KIF26B: variants seen among roughly 807,000 people sequenced by gnomAD.
KIF26B encodes the protein kinesin family member 26B, also known as kinesin-like protein KIF26B.
KIF26B carries 63 observed loss-of-function variants against 151.2 expected under a neutral mutation model. The observed-to-expected ratio is 0.42, with a 90% CI of 0.34 to 0.51. The LOEUF (loss-of-function observed/expected upper bound fraction) is 0.51, where lower values mean the gene tolerates loss of function less well. Among genes scored for constraint, KIF26B ranks in the 20% least tolerant of loss-of-function variants. The probability of loss-of-function intolerance (pLI) is 0.07; values close to 1 mark genes in which losing one functional copy is unlikely to be tolerated. For missense variants in KIF26B, 2,813 were observed against 2,913.6 expected, an observed-to-expected ratio of 0.97 and a Z score of 0.79; for synonymous variants, 1,357 against 1,262.1, an observed-to-expected ratio of 1.08 and a Z score of -1.59.
At chr1:245,190,177 TC>T (rs2103532265) in intron 2 of KIF26B, among the ~76,000 whole-genome samples, 1 of 152,238 alleles carries the variant, frequency 6.6e-6, no homozygotes, top group East Asian at 1.9e-4. Context: ...CCTGGGTCCC[TC>T]CCACAGCATG....
At chr1:245,240,983 C>G (rs1670202921) in intron 2 of KIF26B, among the ~76,000 whole-genome samples, 1 of 152,186 alleles carries the variant, frequency 6.6e-6, no homozygotes, top group Non-Finnish European at 1.5e-5. Context: ...CCCAGAGTCC[C>G]CGCCCAGGGA....
intron 9 of KIF26B, among the ~76,000 whole-genome samples, chr1:245,623,684 C>T (rs1374500002): frequency 6.6e-6 from 1 of 152,052 alleles, no homozygotes; most frequent in African/African-American, 2.4e-5. Flanking sequence ...TTTTTGTGTA[C>T]AAAATTATCA....
chr1:245,608,698 TG>T (rs2043483822), intron 7 of KIF26B, among the ~76,000 whole-genome samples: 1 of 152,174 alleles, frequency 6.6e-6, no homozygotes, highest in Admixed American at 6.5e-5. Flanking sequence ...ATGTGATATT[TG>T]GGGTCCTCCT....
chr1:245,401,917 A>G lies in KIF26B; in HGVS notation c.1000-17662A>G, dbSNP rs181091278. On this transcript the variant is annotated intron_variant, in intron 3 of 14. Coordinates refer to ENST00000407071, the MANE Select transcript of KIF26B (RefSeq NM_018012.4). ...AACACACACACACAAAAACACCACC[A>G]AAAAAAACCCCCGAAACAGCAACAA... Among the ~76,000 whole-genome samples, 273 of 148,920 alleles carry G rather than the reference A, an allele frequency of 1.8e-3. 2 individuals carry two copies. The highest frequency in any genetic ancestry group is 7.0e-3 in the African/African-American group (269 of 38,660).
chr1:245,344,494 CAAAAAAAAAAA>C (rs57007301), intron 2 of KIF26B, among the ~76,000 whole-genome samples: 7 of 39,982 alleles, frequency 1.8e-4, no homozygotes, highest in East Asian at 3.9e-4. Context: ...GACTCCGTCT[CAAAAAAAAAAA>C]AAAAAAAAAA....
intron 5 of KIF26B, among the ~76,000 whole-genome samples, chr1:245,552,251 G>C (rs1268850969): frequency 6.6e-6 from 1 of 151,678 alleles, no homozygotes; most frequent in Non-Finnish European, 1.5e-5. Flanking sequence ...TGGAGACGCA[G>C]GGAAGAGGTG....
chr1:245,303,348 GC>G (rs377734627), intron 2 of KIF26B, among the ~76,000 whole-genome samples: 33 of 151,154 alleles, frequency 2.2e-4, no homozygotes, highest in South Asian at 1.3e-3. Flanking sequence ...ACAGGTGCCC[GC>G]CACCACGCCC....
intron 10 of KIF26B, among the ~76,000 whole-genome samples, chr1:245,683,299 TG>T (rs943874440): frequency 6.7e-6 from 1 of 148,436 alleles, no homozygotes; most frequent in African/African-American, 2.5e-5. Context: ...GCACGCGGCA[TG>T]GGAAATAGGC....
intron 2 of KIF26B, among the ~76,000 whole-genome samples, chr1:245,261,931 G>C (rs1453202507): frequency 6.6e-6 from 1 of 152,084 alleles, no homozygotes. Context: ...CCCAAAATCT[G>C]GGAGATACCG....
chr1:245,389,200 A>G (rs1572037415), intron 3 of KIF26B, among the ~76,000 whole-genome samples: 2 of 151,652 alleles, frequency 1.3e-5, no homozygotes, highest in South Asian at 4.2e-4. Flanking sequence ...TGCAACCTCT[A>G]CCTCCTGGGT....
intron 4 of KIF26B, among the ~76,000 whole-genome samples, chr1:245,443,287 C>G (rs1210354114): frequency 6.8e-6 from 1 of 146,124 alleles, no homozygotes; most frequent in African/African-American, 2.5e-5. Flanking sequence ...ACTGTTCACC[C>G]TGCGGTCATC....
chr1:245,612,586 A>G (rs1468593559), intron 9 of KIF26B, among the ~76,000 whole-genome samples: 1 of 152,178 alleles, frequency 6.6e-6, no homozygotes, highest in Non-Finnish European at 1.5e-5. Context: ...ACAAAAAGAA[A>G]ACAACTGCCT....
intron 2 of KIF26B, among the ~76,000 whole-genome samples, chr1:245,339,180 AT>A (rs1672290254): frequency 6.6e-6 from 1 of 151,926 alleles, no homozygotes; most frequent in East Asian, 1.9e-4. Flanking sequence ...GGGTTTCACC[AT>A]GTTGGTCAGG....
intron 2 of KIF26B, among the ~76,000 whole-genome samples, chr1:245,172,553 T>C (rs1027319853): frequency 6.6e-6 from 1 of 152,100 alleles, no homozygotes; most frequent in African/African-American, 2.4e-5. Context: ...CTCACACCTG[T>C]AATGCCAGCA....
chr1:245,391,301 T>G (rs1673693330), intron 3 of KIF26B, among the ~76,000 whole-genome samples: 1 of 152,214 alleles, frequency 6.6e-6, no homozygotes, highest in Non-Finnish European at 1.5e-5. Context: ...CAGTGAAATT[T>G]TAAGAAACTA....
chr1:245,427,208 C>T (rs530648328), intron 4 of KIF26B, among the ~76,000 whole-genome samples: 4 of 152,288 alleles, frequency 2.6e-5, no homozygotes, highest in South Asian at 2.1e-4. Flanking sequence ...AACTCCTAGG[C>T]GTCAATTGAC....
intron 5 of KIF26B, among the ~76,000 whole-genome samples, chr1:245,578,509 A>C (rs1202725412): frequency 6.6e-6 from 1 of 152,206 alleles, no homozygotes; most frequent in Non-Finnish European, 1.5e-5. Context: ...GAGGACACAC[A>C]CAGCACGAAA....
At chr1:245,658,508 A>C (rs1464034861) in intron 10 of KIF26B, among the ~76,000 whole-genome samples, 1 of 152,130 alleles carries the variant, frequency 6.6e-6, no homozygotes, top group Non-Finnish European at 1.5e-5. Flanking sequence ...CTCCCACCTC[A>C]GCCTCCCATG....
rs1198202563 is a variant in KIF26B at position 245,698,128 on chromosome 1, C to T, written c.5847C>T (p.Ile1949=). 6.2e-7 allele frequency: 1 copy of T among 1,613,974 alleles called. No individual in the cohort carries two copies. Among genetic ancestry groups the T allele is most frequent in the African/African-American group, 1.3e-5 (1 of 75,066 alleles). Residue 1949 remains isoleucine (I), a synonymous_variant, in exon 13 of 15, where the codon ATC becomes ATT. Transcript: ENST00000407071. This position sits in a 1 kb window ranked among gnomAD's most constrained non-coding sequence, Gnocchi z 4.0. ...CAGGTTCTCAGAGACGGAGGCTTATCCCAGCACTATCCCTGGACACCTCTT... is the reference window on the plus strand; with the variant it reads ...CAGGTTCTCAGAGACGGAGGCTTATTCCAGCACTATCCCTGGACACCTCTT... ...SNPGSQRRRL[I]PALSLDTSSP... is the part of the protein sequence containing the mutation.
Sources: gnomAD v4.1 joint callset for allele counts (sites outside exome capture counted in the v4.1 genomes callset) on GRCh38, gnomAD v4.1.1 for gene constraint, Gnocchi (gnomAD v3.1) non-coding constraint, MANE v1.5 for transcripts, NCBI Gene and HGNC (gene_info 2026-07-23, HGNC 2026-07-21) for gene names.